Variants in SP4 observed in about 807,000 individuals in gnomAD.
The protein encoded by SP4 is transcription factor Sp4.
In SP4, 19 loss-of-function variants were observed where a neutral mutation model predicts 72.8. That is an observed-to-expected ratio of 0.26 (90% CI 0.18 to 0.38). The LOEUF is 0.38. Ranked by LOEUF, SP4 falls within the 10% of genes least tolerant of loss-of-function variation. The pLI, the probability that SP4 is intolerant of heterozygous loss-of-function variation, is 1.00. For missense variants in SP4, 1,008 were observed against 926.3 expected (o/e 1.09, Z -1.14); for synonymous variants, 395 against 333.1 (o/e 1.19, Z -2.02).
intron 5 of SP4, 86 bp downstream of exon 5, chr7:21,482,209 G>A (rs1373641179): frequency 2.9e-6 from 3 of 1,035,240 alleles, no homozygotes; most frequent in Non-Finnish European, 4.4e-6. Context: ...TATCAAATTG[G>A]AAATATGCAA....
intron 1 of SP4, 95 bp downstream of exon 1, chr7:21,428,353 G>T: frequency 1.4e-6 from 1 of 724,602 alleles, no homozygotes. Flanking sequence ...CCCCGGGGCC[G>T]CTGAGATGCT....
chr7:21,500,373 A>C (rs1233033225), intron 5 of SP4, among the ~76,000 whole-genome samples: 2 of 152,228 alleles, frequency 1.3e-5, no homozygotes, highest in Non-Finnish European at 2.9e-5. Context: ...ACAACAAATT[A>C]CCACAAATTT....
intron 3 of SP4, among the ~76,000 whole-genome samples, chr7:21,444,784 C>G (rs999171197): frequency 6.6e-6 from 1 of 152,104 alleles, no homozygotes; most frequent in African/African-American, 2.4e-5. Flanking sequence ...ATCATATAGC[C>G]AGTAAGTTAG....
At chr7:21,457,346 T>C (rs943935935) in intron 3 of SP4, among the ~76,000 whole-genome samples, 6 of 152,180 alleles carry the variant, frequency 3.9e-5, no homozygotes, top group Non-Finnish European at 7.3e-5. Flanking sequence ...TTTAGCTAAG[T>C]AATGGTTCGT....
chr7:21,508,294 A>G (rs1346274037), intron 5 of SP4, among the ~76,000 whole-genome samples: 1 of 152,204 alleles, frequency 6.6e-6, no homozygotes, highest in African/African-American at 2.4e-5. Flanking sequence ...GACACAAACA[A>G]TGGAAGCGAG....
chr7:21,432,032 G>A (rs1356403940), intron 3 of SP4, among the ~76,000 whole-genome samples: 2 of 152,196 alleles, frequency 1.3e-5, no homozygotes, highest in Admixed American at 6.5e-5. Flanking sequence ...CTAGGCCAGC[G>A]CTATCCAGCA....
chr7:21,462,717 C>T (rs770125637), intron 3 of SP4, among the ~76,000 whole-genome samples: 5 of 152,180 alleles, frequency 3.3e-5, no homozygotes, highest in Non-Finnish European at 7.3e-5. Flanking sequence ...GAGAACTGAA[C>T]TTAGGGTTAC....
chr7:21,429,987 G>A lies in SP4; in HGVS notation c.822G>A (p.Val274=), dbSNP rs1459919376. 5.0e-6 allele frequency: 8 copies of A among 1,614,050 alleles called. No homozygotes were observed. The highest frequency in any genetic ancestry group is 6.8e-6 in the Non-Finnish European group (8 of 1,180,030). ...TAGCTTTGCCAGTGATAAACAACGT[G>A]GCTGCCGGAGGAGGGACTGGGCAGG... The part of the protein sequence containing the change: ...VTLALPVINN[V]AAGGGTGQVG... The change falls in exon 3 of 6, where the codon GTG becomes GTA. Residue 274 remains valine, a synonymous_variant. Transcript: ENST00000222584.
At chr7:21,506,638 CTG>C (rs1460448961) in intron 5 of SP4, among the ~76,000 whole-genome samples, 2 of 152,190 alleles carry the variant, frequency 1.3e-5, no homozygotes, top group Non-Finnish European at 2.9e-5. Context: ...CAAAGACCCT[CTG>C]AGTTTGCCTC....
intron 5 of SP4, among the ~76,000 whole-genome samples, chr7:21,509,273 A>G (rs1313159309): frequency 1.3e-5 from 2 of 152,136 alleles, no homozygotes; most frequent in Non-Finnish European, 1.5e-5. Flanking sequence ...TCTTATCAAA[A>G]TGTGTTAAAT....
intron 3 of SP4, among the ~76,000 whole-genome samples, chr7:21,457,714 G>A (rs1160627115): frequency 3.3e-5 from 5 of 152,088 alleles, no homozygotes; most frequent in African/African-American, 1.2e-4. Context: ...AAATCCCCCA[G>A]TGTGACAAAG....
intron 5 of SP4, among the ~76,000 whole-genome samples, chr7:21,487,715 C>G (rs1365420001): frequency 6.8e-6 from 1 of 146,008 alleles, no homozygotes; most frequent in Non-Finnish European, 1.5e-5. Context: ...CCTGAATTGT[C>G]CAGTGATTCT....
chr7:21,489,867 C>T (rs1368221803), intron 5 of SP4, among the ~76,000 whole-genome samples: 3 of 151,812 alleles, frequency 2.0e-5, no homozygotes, highest in South Asian at 2.1e-4. Flanking sequence ...CCCAGGCTGG[C>T]GTTAAACTCC....
chr7:21,486,842 A>G (rs548893564), intron 5 of SP4, among the ~76,000 whole-genome samples: 2 of 152,344 alleles, frequency 1.3e-5, no homozygotes, highest in African/African-American at 4.8e-5. Flanking sequence ...TGAAGGGAGA[A>G]GTATCGAAGA....
At chr7:21,494,835 A>T (rs1785066307) in intron 5 of SP4, among the ~76,000 whole-genome samples, 1 of 152,308 alleles carries the variant, frequency 6.6e-6, no homozygotes, top group Middle Eastern at 3.4e-3. Flanking sequence ...CAAAAATAAC[A>T]TAATTGGCTG....
intron 4 of SP4, among the ~76,000 whole-genome samples, chr7:21,481,154 T>C (rs1252746401): frequency 6.6e-6 from 1 of 152,206 alleles, no homozygotes; most frequent in Non-Finnish European, 1.5e-5. Context: ...GTAGAGTCTA[T>C]GTCCCAGGGC....
chr7:21,444,520 G>A (rs1783360667), intron 3 of SP4, among the ~76,000 whole-genome samples: 1 of 152,162 alleles, frequency 6.6e-6, no homozygotes, highest in Non-Finnish European at 1.5e-5. Flanking sequence ...GTGAATGATG[G>A]AACCAGAGTC....
At chr7:21,476,891 A>G (rs899804665) in intron 3 of SP4, among the ~76,000 whole-genome samples, 188 bp from the exon 4 acceptor site, 1 of 152,210 alleles carries the variant, frequency 6.6e-6, no homozygotes, top group African/African-American at 2.4e-5. Flanking sequence ...TACATAGGCA[A>G]CCTGAGCCAC....
At chr7:21,431,898 T>G (rs1782868801) in intron 3 of SP4, among the ~76,000 whole-genome samples, 1 of 152,260 alleles carries the variant, frequency 6.6e-6, no homozygotes, top group Non-Finnish European at 1.5e-5. Context: ...AAAATTACGC[T>G]AGGGTTCTTC....
Sources: gnomAD v4.1 joint callset for allele counts (sites outside exome capture counted in the v4.1 genomes callset) on GRCh38, gnomAD v4.1.1 for gene constraint, MANE v1.5 for transcripts, NCBI Gene and HGNC (gene_info 2026-07-23, HGNC 2026-07-21) for gene names.